The following SCRN1 variants were observed in gnomAD, a reference collection of about 807,000 sequenced individuals.
The protein encoded by SCRN1 is secernin-1.
Under a neutral mutation model 43.3 loss-of-function variants are expected in SCRN1, and 19 were observed. The observed-to-expected ratio is 0.44, with a 90% CI of 0.31 to 0.64. SCRN1 has a LOEUF of 0.64. Among genes scored for constraint, SCRN1 ranks in the 30% least tolerant of loss-of-function variants. The pLI is 0.09. For synonymous variants in SCRN1, 183 were observed against 188.9 expected (o/e 0.97, Z 0.26); for missense variants, 447 against 524.1 (o/e 0.85, Z 1.44).
chr7:29,928,446 G>A (rs1163560539), intron 6 of SCRN1, among the ~76,000 whole-genome samples: 1 of 152,210 alleles, frequency 6.6e-6, no homozygotes, highest in African/African-American at 2.4e-5. Flanking sequence ...ATCACAATAT[G>A]CAAAATTGGG....
At chr7:29,967,409 T>TTA (rs1788532992) in intron 2 of SCRN1, among the ~76,000 whole-genome samples, 1 of 149,810 alleles carries the variant, frequency 6.7e-6, no homozygotes, top group African/African-American at 2.5e-5. Flanking sequence ...TTTTTTTTTT[T>TTA]AAAGAGATGG....
chr7:29,986,069 T>C lies in SCRN1; in HGVS notation c.-2+3573A>G, dbSNP rs557550808. The stretch of plus-strand genomic sequence containing the variant: ...GACCAATATGGTGAAACCCTGTCTC[T>C]ACTAAAAATACAAAAGTTAGCCGGG... On this transcript the variant is annotated intron_variant, in intron 1 of 7. Coordinates refer to ENST00000242059, the MANE Select transcript of SCRN1 (RefSeq NM_014766.5). 2.3e-3 allele frequency among the ~76,000 whole-genome samples: 354 copies of C among 152,314 alleles called. 2 individuals are homozygous for C. Among genetic ancestry groups the C allele is most frequent in the African/African-American group, 7.8e-3 (324 of 41,572 alleles).
intron 2 of SCRN1, among the ~76,000 whole-genome samples, chr7:29,966,573 C>T (rs532263261): frequency 6.8e-4 from 103 of 152,348 alleles, no homozygotes; most frequent in African/African-American, 2.3e-3. Flanking sequence ...AAGAGAGAAA[C>T]ATTTGGACCC....
At chr7:29,924,709 T>C (rs112121454) in intron 7 of SCRN1, among the ~76,000 whole-genome samples, 3,502 of 152,134 alleles carry the variant, frequency 0.023, 57 homozygotes, top group South Asian at 0.059. Context: ...CAAAAAATGT[T>C]CATTGAATGA....
chr7:29,928,765 C>T (rs530147183), intron 6 of SCRN1, among the ~76,000 whole-genome samples: 1 of 152,328 alleles, frequency 6.6e-6, no homozygotes, highest in Admixed American at 6.5e-5. Context: ...CCACTTCCTA[C>T]AGCCCCTTGA....
upstream of SCRN1, chr7:29,989,929 G>A: frequency 8.9e-7 from 1 of 1,124,314 alleles, no homozygotes; most frequent in African/African-American, 1.7e-5. Context: ...TGCACGGGCC[G>A]CGGCGCTGCT....
At chr7:29,945,019 G>A (rs529666432) in intron 3 of SCRN1, among the ~76,000 whole-genome samples, 1 of 152,316 alleles carries the variant, frequency 6.6e-6, no homozygotes, top group Non-Finnish European at 1.5e-5. Flanking sequence ...AGAGGACGTT[G>A]TCCTGTCTCT....
chr7:29,989,893 G>T, upstream of SCRN1: 1 of 1,052,592 alleles, frequency 9.5e-7, no homozygotes, highest in East Asian at 7.5e-5. Context: ...GGCCCCCGGG[G>T]CCCCGCCGCA....
intron 5 of SCRN1, among the ~76,000 whole-genome samples, chr7:29,938,723 T>G (rs950786101): frequency 1.3e-5 from 2 of 152,228 alleles, no homozygotes; most frequent in Admixed American, 1.3e-4. Flanking sequence ...AGGAATACTT[T>G]TAGTTAATCT....
At chr7:29,977,422 T>G (rs907509586) in intron 1 of SCRN1, among the ~76,000 whole-genome samples, 2 of 152,252 alleles carry the variant, frequency 1.3e-5, no homozygotes, top group Non-Finnish European at 2.9e-5. Context: ...ATTTACAAAT[T>G]GATTTTTTCT....
At chr7:29,942,606 G>T (rs1219533638) in intron 4 of SCRN1, among the ~76,000 whole-genome samples, 3 of 152,170 alleles carry the variant, frequency 2.0e-5, no homozygotes, top group African/African-American at 4.8e-5. Context: ...TTCCTGCATT[G>T]TAGGAGAGTT....
rs1465477906 is a variant in SCRN1 at position 29,920,858 on chromosome 7, T to C, written c.*3099A>G. 3 of 152,246 alleles carry C rather than the reference T, an allele frequency of 2.0e-5. No individual in the cohort carries two copies. Among genetic ancestry groups the C allele is most frequent in the Non-Finnish European group, 4.4e-5 (3 of 68,044 alleles). 9.4% of individuals were successfully genotyped at this position (152,246 alleles called of 1,614,324 possible). On this transcript the variant is annotated 3_prime_UTR_variant, in exon 8 of 8. Coordinates refer to ENST00000242059, the MANE Select transcript of SCRN1 (RefSeq NM_014766.5). The stretch of plus-strand genomic sequence containing the variant: ...CCCCACAGCTAAGGTCTAACAGGCA[T>C]ATACCTGCTCTGTTAGTTTATAAGA...
At chr7:29,960,332 C>T (rs1019978536) in intron 2 of SCRN1, among the ~76,000 whole-genome samples, 1 of 151,424 alleles carries the variant, frequency 6.6e-6, no homozygotes, top group Non-Finnish European at 1.5e-5. Flanking sequence ...GTTATATAAA[C>T]TCATTGACGA....
intron 6 of SCRN1, among the ~76,000 whole-genome samples, chr7:29,932,958 C>A (rs1205225972): frequency 6.6e-6 from 1 of 152,000 alleles, no homozygotes; most frequent in Non-Finnish European, 1.5e-5. Flanking sequence ...CTCACTGCAA[C>A]CTTTGCCTCC....
At chr7:29,943,846 C>T in intron 4 of SCRN1, 131 bp downstream of exon 4, 1 of 823,810 alleles carries the variant, frequency 1.2e-6, no homozygotes, top group South Asian at 1.6e-5. Context: ...CATGCCAAAG[C>T]ATGACAGTCC....
intron 6 of SCRN1, among the ~76,000 whole-genome samples, chr7:29,934,638 G>GC (rs1787263146): frequency 6.6e-6 from 1 of 152,224 alleles, no homozygotes; most frequent in Non-Finnish European, 1.5e-5. Context: ...GGAAGACGGA[G>GC]CCCCAAATCT....
At chr7:29,946,582 T>C (rs1254779761) in intron 3 of SCRN1, among the ~76,000 whole-genome samples, 1 of 152,254 alleles carries the variant, frequency 6.6e-6, no homozygotes, top group Non-Finnish European at 1.5e-5. Context: ...ATGTTCTGCC[T>C]GTTTGCATTC....
intron 2 of SCRN1, among the ~76,000 whole-genome samples, chr7:29,963,814 GA>G (rs576369863): frequency 6.6e-6 from 1 of 152,064 alleles, no homozygotes; most frequent in East Asian, 1.9e-4. Context: ...GTAGCTGTAA[GA>G]AAAAAATAAG....
chr7:29,969,690 C>T (rs1788609028), intron 1 of SCRN1: 2 of 402,730 alleles, frequency 5.0e-6, no homozygotes, highest in Non-Finnish European at 1.0e-5. Context: ...CTGCTTCATC[C>T]TTCTTTCCTC....
Sources: allele counts gnomAD v4.1 joint callset (sites outside exome capture counted in the v4.1 genomes callset), GRCh38; gene constraint gnomAD v4.1.1; transcripts MANE v1.5; gene names NCBI Gene and HGNC (gene_info 2026-07-23, HGNC 2026-07-21).